Variants in CD109 observed in about 807,000 individuals in gnomAD.
CD109 encodes the protein CD109 molecule.
A neutral mutation model predicts 165.8 loss-of-function variants in CD109; 149 were observed. That is an observed-to-expected ratio of 0.90 (90% CI 0.79 to 1.03). The LOEUF (loss-of-function observed/expected upper bound fraction) is 1.03, where lower values mean the gene tolerates loss of function less well. CD109 is among the 50% of genes least tolerant of loss of function. The pLI, the probability that CD109 is intolerant of heterozygous loss-of-function variation, is 0.00. For synonymous variants in CD109, 585 were observed against 592.1 expected, an observed-to-expected ratio of 0.99 and a Z score of 0.18; for missense variants, 1,712 against 1,677.8, an observed-to-expected ratio of 1.02 and a Z score of -0.36.
upstream of CD109, among the ~76,000 whole-genome samples, chr6:73,691,494 A>G (rs1182665572): frequency 1.3e-5 from 2 of 152,218 alleles, no homozygotes; most frequent in Non-Finnish European, 2.9e-5. Context: ...TAGTTCTCAG[A>G]GGCTCTCTTC....
chr6:73,769,474 A>G (rs1773964493), intron 14 of CD109, among the ~76,000 whole-genome samples: 1 of 152,216 alleles, frequency 6.6e-6, no homozygotes. Flanking sequence ...GAGTATATGA[A>G]TAGCATACTT....
intron 29 of CD109, among the ~76,000 whole-genome samples, chr6:73,814,124 A>G (rs941188682): frequency 3.3e-5 from 5 of 152,094 alleles, no homozygotes. Flanking sequence ...TTAAGTATGC[A>G]AATCCATGAG....
At chr6:73,766,648 TA>T (rs1414165643) in intron 11 of CD109, 110 bp from the exon 12 acceptor site, 120 of 727,608 alleles carry the variant, frequency 1.6e-4, no homozygotes, top group East Asian at 1.8e-4. Flanking sequence ...TTTCTTGCAT[TA>T]AAAAAAAGTG....
intron 2 of CD109, among the ~76,000 whole-genome samples, chr6:73,703,409 G>A (rs1332465489): frequency 6.6e-6 from 1 of 152,218 alleles, no homozygotes; most frequent in Non-Finnish European, 1.5e-5. Flanking sequence ...AGCTGGAGGG[G>A]ACCTCAAAGA....
At chr6:73,806,674 C>G (rs965375034) in intron 24 of CD109, among the ~76,000 whole-genome samples, 170 bp from the exon 25 acceptor site, 1 of 152,106 alleles carries the variant, frequency 6.6e-6, no homozygotes, top group Non-Finnish European at 1.5e-5. Flanking sequence ...CTTACCTTGT[C>G]CCTTTGCTCT....
Position 73,818,435 on chromosome 6 carries a change from T to A in CD109, c.3959T>A (p.Leu1320Gln), listed in dbSNP as rs1264608821. The A allele has an allele frequency of 1.2e-6, 2 of 1,613,912 alleles. No individual in the cohort carries two copies. The highest frequency in any genetic ancestry group is 1.7e-6 in the Non-Finnish European group (2 of 1,179,948). Residue 1320 changes from leucine to glutamine, a missense_variant, in exon 31 of 33, where the codon CTA (leucine) becomes CAA (glutamine). Coordinates refer to ENST00000287097, the MANE Select transcript of CD109 (RefSeq NM_133493.5). ...GGCATGGCTCTTATGGAAGTTAACCTATTAAGTGGCTTTATGGTGCCTTCA... is the reference window on the plus strand; with the variant it reads ...GGCATGGCTCTTATGGAAGTTAACCAATTAAGTGGCTTTATGGTGCCTTCA... ...RSGMALMEVN[L>Q]LSGFMVPSEA...
At chr6:73,776,544 G>A (rs546843184) in intron 15 of CD109, among the ~76,000 whole-genome samples, 3 of 138,844 alleles carry the variant, frequency 2.2e-5, no homozygotes, top group Non-Finnish European at 4.6e-5. Context: ...GAGCCACCAC[G>A]CAAGTGGCCT....
intron 30 of CD109, among the ~76,000 whole-genome samples, chr6:73,817,373 C>T (rs1313078478): frequency 6.6e-6 from 1 of 152,078 alleles, no homozygotes; most frequent in Non-Finnish European, 1.5e-5. Flanking sequence ...AGTTTCAATC[C>T]ATTTATTAGT....
chr6:73,689,779 C>G, the CD109 span, among the ~76,000 whole-genome samples: 1 of 152,150 alleles, frequency 6.6e-6, no homozygotes, highest in Non-Finnish European at 1.5e-5. Context: ...TCACATATTT[C>G]ATCAAATCTA....
In CD109 at chr6:73,828,009, T is replaced by C. The variant is rs1443741390; in HGVS notation, c.*4376T>C. On this transcript the variant is annotated 3_prime_UTR_variant, in exon 33 of 33. Coordinates refer to ENST00000287097, the MANE Select transcript of CD109 (RefSeq NM_133493.5). ...TTTGATAACTTTAATAGAATGTGGC[T>C]CAGTTCTGGTCCTTCAAGCCTGTAT... 6.5e-6 allele frequency: 1 copy of C among 154,802 alleles called. No homozygotes were observed. Among genetic ancestry groups the C allele is most frequent in the African/African-American group, 2.4e-5 (1 of 41,528 alleles). 9.6% of individuals were successfully genotyped at this position (154,802 alleles called of 1,614,324 possible).
At chr6:73,713,713 A>G (rs1304007874) in intron 2 of CD109, among the ~76,000 whole-genome samples, 2 of 152,234 alleles carry the variant, frequency 1.3e-5, no homozygotes, top group East Asian at 1.9e-4. Flanking sequence ...TCAGAGCTGC[A>G]TTAAAAACAA....
rs111723786 is a variant in CD109 at position 73,736,330 on chromosome 6, A to G, written c.508-53A>G. ...GGCATTATTCCTAACCTGATAGGAT[A>G]CACATGCACATGGGCAGCCTCTACA... On this transcript the variant is annotated intron_variant, in intron 4 of 32. Coordinates refer to ENST00000287097, the MANE Select transcript of CD109 (RefSeq NM_133493.5). The G allele has an allele frequency of 6.3e-4, 1,009 of 1,594,998 alleles. 9 individuals are homozygous for G. The African/African-American group carries it at 0.011, about 18-fold the overall frequency.
intron 23 of CD109, among the ~76,000 whole-genome samples, chr6:73,802,985 C>T (rs1022372673): frequency 2.0e-5 from 3 of 152,058 alleles, no homozygotes; most frequent in Admixed American, 2.0e-4. Flanking sequence ...TAGGTGTGAG[C>T]CACTGCACCC....
intron 15 of CD109, 122 bp from the exon 16 acceptor site, chr6:73,780,302 C>T (rs189950619): frequency 2.7e-5 from 20 of 738,466 alleles, no homozygotes; most frequent in Non-Finnish European, 2.4e-6. Context: ...TTCATTACTC[C>T]TCAATTTGTG....
chr6:73,712,320 A>G (rs929043857), intron 2 of CD109, among the ~76,000 whole-genome samples: 7 of 152,378 alleles, frequency 4.6e-5, no homozygotes, highest in Admixed American at 2.0e-4. Flanking sequence ...AATGAGGAAA[A>G]AAATTTAGTA....
chr6:73,771,240 A>G (rs1464607119), intron 14 of CD109, among the ~76,000 whole-genome samples, 189 bp from the exon 15 acceptor site: 1 of 152,208 alleles, frequency 6.6e-6, no homozygotes, highest in African/African-American at 2.4e-5. Flanking sequence ...AAGTTCTATG[A>G]CTTGCAAACA....
At chr6:73,806,818 T>C (rs1029853554) in intron 24 of CD109, 26 bp from the exon 25 acceptor site, 5 of 1,553,622 alleles carry the variant, frequency 3.2e-6, no homozygotes, top group Admixed American at 1.7e-5. Context: ...GTGTATTTTA[T>C]GTAATTTTTT....
At chr6:73,815,191 A>G (rs972751712) in intron 30 of CD109, 68 bp downstream of exon 30, 1 of 1,281,354 alleles carries the variant, frequency 7.8e-7, no homozygotes, top group African/African-American at 1.6e-5. Flanking sequence ...TTAATTATGT[A>G]TAGTTGTCTA....
chr6:73,708,244 C>T (rs1277307191), intron 2 of CD109, among the ~76,000 whole-genome samples: 17 of 151,774 alleles, frequency 1.1e-4, no homozygotes, highest in African/African-American at 1.9e-4. Context: ...TGAGAACATG[C>T]GGTGTTTGGT....
Sources: allele counts gnomAD v4.1 joint callset (sites outside exome capture counted in the v4.1 genomes callset), GRCh38; gene constraint gnomAD v4.1.1; transcripts MANE v1.5; gene names NCBI Gene and HGNC (gene_info 2026-07-23, HGNC 2026-07-21).